PALD1: variants seen among roughly 807,000 people sequenced by gnomAD.
The protein encoded by PALD1 is phosphatase domain containing paladin 1.
In PALD1, 57 loss-of-function variants were observed where a neutral mutation model predicts 96.0. The ratio of observed to expected loss-of-function variants is 0.59; its 90% confidence interval spans 0.48 to 0.74. The LOEUF is 0.74. Ranked by LOEUF, PALD1 falls within the 30% of genes least tolerant of loss-of-function variation. The pLI is 0.00. For synonymous variants in PALD1, 464 were observed against 473.6 expected (o/e 0.98, Z 0.26); for missense variants, 1,063 against 1,143.7 (o/e 0.93, Z 1.02).
At chr10:70,500,044 G>A (rs1004601428) in intron 1 of PALD1, among the ~76,000 whole-genome samples, 1 of 152,228 alleles carries the variant, frequency 6.6e-6, no homozygotes, top group Non-Finnish European at 1.5e-5. Context: ...TCACTGACAG[G>A]TGTTGAAGCA....
chr10:70,505,461 G>A (rs952776669), intron 1 of PALD1, among the ~76,000 whole-genome samples: 5 of 151,978 alleles, frequency 3.3e-5, no homozygotes, highest in African/African-American at 4.8e-5. Flanking sequence ...AAAATTAGCC[G>A]GGCATGGTGG....
At chr10:70,564,703 C>T (rs1468475522) in intron 19 of PALD1, among the ~76,000 whole-genome samples, 184 bp downstream of exon 19, 1 of 152,208 alleles carries the variant, frequency 6.6e-6, no homozygotes, top group Non-Finnish European at 1.5e-5. Context: ...ACTTTGGGTC[C>T]CGAGCAGTTT....
Position 70,538,471 on chromosome 10 carries a change from C to A in PALD1, c.1452+63C>A, listed in dbSNP as rs1463362548. On this transcript the variant is annotated intron_variant, in intron 12 of 19. Transcript: ENST00000263563. ...GTGTACTGGCCCTGGCCCCTAAACA[C>A]TGGATTCCTGTAGGGTTGGGGTAAG... 3 of 1,528,566 alleles carry A rather than the reference C, an allele frequency of 2.0e-6. No homozygotes were observed. The African/African-American group carries it at 4.1e-5, about 21-fold the overall frequency. The allele number at this position is 1,528,566 out of a possible 1,614,324, so 94.7% of individuals were successfully genotyped here.
chr10:70,532,818 C>T, intron 6 of PALD1, 37 bp downstream of exon 6: 1 of 1,606,758 alleles, frequency 6.2e-7, no homozygotes. Flanking sequence ...GCCATGGGTG[C>T]TCCAGGTCCT....
chr10:70,527,687 T>A (rs2132356435), intron 2 of PALD1, among the ~76,000 whole-genome samples: 1 of 152,310 alleles, frequency 6.6e-6, no homozygotes, highest in South Asian at 2.1e-4. Context: ...TTGCTCCCCA[T>A]GGGTCACGTG....
intron 1 of PALD1, among the ~76,000 whole-genome samples, chr10:70,521,528 T>G (rs971837342): frequency 6.6e-5 from 10 of 151,892 alleles, no homozygotes; most frequent in African/African-American, 2.4e-4. Flanking sequence ...TAAAGCAAGG[T>G]TTCCTCTTTT....
chr10:70,526,081 C>T lies in PALD1; in HGVS notation c.130C>T (p.His44Tyr). ...SIHSFQSTSL[H>Y]NSKAKSIIPN... ...CCACTCCTTCCAGAGCACTAGCTTG[C>T]ATAACAGCAAGGCCAAGTCCATCAT... The change falls in exon 2 of 20, where the codon CAT becomes TAT. Residue 44 changes from histidine to tyrosine, a missense_variant. Physicochemically the swap from His to Tyr is moderately conservative, Grantham distance 83 (BLOSUM62 2). Transcript: ENST00000263563. 1.9e-6 allele frequency: 3 copies of T among 1,614,234 alleles called. No individual in the cohort carries two copies. The highest frequency in any genetic ancestry group is 2.2e-5 in the South Asian group (2 of 91,084).
At chr10:70,460,445 C>T in the PALD1 span, among the ~76,000 whole-genome samples, 1 of 152,206 alleles carries the variant, frequency 6.6e-6, no homozygotes, top group African/African-American at 2.4e-5. Flanking sequence ...CTGAACTCCT[C>T]TGCGCCTTCT....
At chr10:70,465,963 G>A in the PALD1 span, among the ~76,000 whole-genome samples, 16 of 152,154 alleles carry the variant, frequency 1.1e-4, no homozygotes, top group African/African-American at 2.9e-4. Context: ...TCTTCTGAGT[G>A]GGGTTTGGAC....
At position 70,534,449 on chromosome 10, in the gene PALD1, C is replaced by T. The variant is rs761734254; in HGVS notation, c.1047C>T (p.Pro349=). 26 of 1,611,958 alleles carry T rather than the reference C, an allele frequency of 1.6e-5. No homozygotes were observed. The highest frequency in any genetic ancestry group is 3.4e-6 in the Non-Finnish European group (4 of 1,179,224). ...GGGCTGCCCCCACGCAGGCCAAGCCCCTGCCTATGGAGCAGTTCCAGGTGA... is the reference window on the plus strand; with the variant it reads ...GGGCTGCCCCCACGCAGGCCAAGCCTCTGCCTATGGAGCAGTTCCAGGTGA... The part of the protein sequence containing the change: ...QPEAAPTQAK[P]LPMEQFQVIQ... The change falls in exon 9 of 20, where the codon CCC becomes CCT. Residue 349 remains proline, a synonymous_variant. Coordinates refer to ENST00000263563, the MANE Select transcript of PALD1 (RefSeq NM_014431.3).
chr10:70,504,326 A>T (rs897923656), intron 1 of PALD1, among the ~76,000 whole-genome samples: 5 of 152,216 alleles, frequency 3.3e-5, no homozygotes, highest in Non-Finnish European at 7.3e-5. Flanking sequence ...CAGGAGTTCG[A>T]GATCAGCCTG....
chr10:70,507,808 G>A (rs12767820), intron 1 of PALD1, among the ~76,000 whole-genome samples: 14,910 of 150,842 alleles, frequency 0.099, 899 homozygotes, highest in South Asian at 0.17. Flanking sequence ...GTATGTGTTC[G>A]TAGAGATGAG....
chr10:70,463,249 A>C, the PALD1 span, among the ~76,000 whole-genome samples: 11 of 152,220 alleles, frequency 7.2e-5, no homozygotes, highest in Non-Finnish European at 1.6e-4. Context: ...CTAAAAATGC[A>C]AAAAATTAGC....
At chr10:70,537,483 C>G (rs1037835210) in intron 10 of PALD1, among the ~76,000 whole-genome samples, 8 of 152,202 alleles carry the variant, frequency 5.3e-5, no homozygotes, top group Admixed American at 4.6e-4. Flanking sequence ...GGTGCACAAC[C>G]CTGACCTGTT....
intron 2 of PALD1, 150 bp downstream of exon 2, chr10:70,526,286 G>T: frequency 1.5e-6 from 1 of 657,362 alleles, no homozygotes; most frequent in Non-Finnish European, 2.7e-6. Context: ...AGATGAAGCA[G>T]TTCATTGGGA....
chr10:70,471,514 T>C, the PALD1 span, among the ~76,000 whole-genome samples: 1 of 152,226 alleles, frequency 6.6e-6, no homozygotes, highest in Non-Finnish European at 1.5e-5. Context: ...GCAAGCATTT[T>C]TTCTCAGCTC....
chr10:70,539,245 G>A lies in PALD1; in HGVS notation c.1723G>A (p.Glu575Lys), dbSNP rs1363578785. Residue 575 changes from glutamate to lysine, a missense_variant and splice_region_variant, in exon 14 of 20, where the codon GAG becomes AAG. Transcript: ENST00000263563. The surrounding 1 kb of genome is among the most constrained non-coding windows in gnomAD (Gnocchi z 4.5). ...PGPPVAPDQL[E>K]TLEAQLKAHL... ...GCCCCCTGTGGCTCCTGACCAGCTG[G>A]AGGTGAGGCCCCCTGCCCTCTAGGC... The A allele has an allele frequency of 6.2e-7, 1 of 1,607,578 alleles. No homozygotes were observed. The highest frequency in any genetic ancestry group is 8.5e-7 in the Non-Finnish European group (1 of 1,177,622).
chr10:70,533,892 C>A, intron 7 of PALD1, 30 bp from the exon 8 acceptor site: 2 of 1,541,890 alleles, frequency 1.3e-6, no homozygotes, highest in Non-Finnish European at 8.8e-7. Flanking sequence ...CCTGGTCTCA[C>A]TGGGGCCTGA....
At chr10:70,547,504 A>G in intron 18 of PALD1, 58 bp downstream of exon 18, 1 of 1,210,966 alleles carries the variant, frequency 8.3e-7, no homozygotes, top group Admixed American at 2.4e-5. Context: ...AGGTGTGCAC[A>G]GCCAGGGAGT....
Sources: gnomAD v4.1 joint callset for allele counts (sites outside exome capture counted in the v4.1 genomes callset) on GRCh38, gnomAD v4.1.1 for gene constraint, Gnocchi (gnomAD v3.1) non-coding constraint, MANE v1.5 for transcripts, NCBI Gene and HGNC (gene_info 2026-07-23, HGNC 2026-07-21) for gene names.